Variants in LCORL observed in about 807,000 individuals in gnomAD.
LCORL encodes ligand dependent nuclear receptor corepressor like.
In LCORL, 41 loss-of-function variants were observed where a neutral mutation model predicts 141.8. The ratio of observed to expected loss-of-function variants is 0.29; its 90% CI spans 0.23 to 0.38. The LOEUF (loss-of-function observed/expected upper bound fraction) is 0.38, where lower values mean the gene tolerates loss of function less well. Ranked by LOEUF, LCORL falls within the 10% of genes least tolerant of loss-of-function variation. LCORL has a pLI of 1.00. For synonymous variants in LCORL, 618 were observed against 694.1 expected (o/e 0.89, Z 1.72); for missense variants, 1,759 against 2,035.0 (o/e 0.86, Z 2.61).
intron 1 of LCORL, among the ~76,000 whole-genome samples, chr4:17,982,072 C>T (rs1718079806): frequency 6.8e-6 from 1 of 147,356 alleles, no homozygotes; most frequent in East Asian, 2.0e-4. Flanking sequence ...TGAGCTTGTT[C>T]TTTTTCATGG....
At chr4:17,983,341 T>C (rs1165328955) in intron 1 of LCORL, among the ~76,000 whole-genome samples, 1 of 152,220 alleles carries the variant, frequency 6.6e-6, no homozygotes, top group East Asian at 1.9e-4. Context: ...AGTGAATCTA[T>C]AAATTGCTTG....
At chr4:17,949,843 C>T (rs1053580325) in intron 4 of LCORL, among the ~76,000 whole-genome samples, 1 of 152,230 alleles carries the variant, frequency 6.6e-6, no homozygotes, top group Non-Finnish European at 1.5e-5. Context: ...AAGAACTGTA[C>T]AAACTACATA....
At chr4:17,926,699 C>T (rs1735206296) in intron 4 of LCORL, among the ~76,000 whole-genome samples, 1 of 152,228 alleles carries the variant, frequency 6.6e-6, no homozygotes, top group African/African-American at 2.4e-5. Flanking sequence ...AACTCCTTTT[C>T]ATATACACAT....
chr4:17,876,826 T>C, exon 7 of LCORL: 1 of 1,230,784 alleles, frequency 8.1e-7, no homozygotes, highest in Non-Finnish European at 1.0e-6. Context: ...GAAGTTGTTT[T>C]AAAGCTTTCT....
intron 4 of LCORL, among the ~76,000 whole-genome samples, chr4:17,944,399 C>T (rs1422650547): frequency 2.6e-5 from 4 of 152,106 alleles, no homozygotes; most frequent in Non-Finnish European, 5.9e-5. Context: ...CCTTCCTTCT[C>T]ATTTATTTAT....
exon 8 of LCORL, chr4:17,844,670 A>ATT (rs952470610): frequency 3.5e-4 from 53 of 152,490 alleles, no homozygotes; most frequent in African/African-American, 1.3e-3. Context: ...TTTAAAGACA[A>ATT]TTTGCAGGGG....
At position 17,995,189 on chromosome 4, in the gene LCORL, T is replaced by A. The variant is rs542560641; in HGVS notation, c.155-22304A>T. 1.3e-5 allele frequency among the ~76,000 whole-genome samples: 2 copies of A among 149,628 alleles called. 1 individual carries two copies. The highest frequency in any genetic ancestry group is 1.3e-4 in the Admixed American group (2 of 15,036). ...ATTTATTTAGTTTCAGGGTAACCAC[T>A]ACCTTTCTTTTAAGCATTTTTTTTT... On this transcript the variant is annotated intron_variant, in intron 1 of 7. Transcript: ENST00000635767.
exon 8 of LCORL, chr4:17,843,709 TTA>T (rs1722653344): frequency 4.8e-6 from 1 of 208,710 alleles, no homozygotes; most frequent in African/African-American, 2.3e-5. Flanking sequence ...TATGAACTCT[TTA>T]TGTTTAAAAT....
At chr4:17,957,954 A>T (rs542269048) in intron 4 of LCORL, among the ~76,000 whole-genome samples, 1 of 152,074 alleles carries the variant, frequency 6.6e-6, no homozygotes, top group Non-Finnish European at 1.5e-5. Context: ...TTTAGAGAAA[A>T]GCACTCTAAA....
chr4:17,943,995 A>G (rs1738413859), intron 4 of LCORL, among the ~76,000 whole-genome samples: 1 of 152,186 alleles, frequency 6.6e-6, no homozygotes, highest in Non-Finnish European at 1.5e-5. Flanking sequence ...GTTTTCCTCA[A>G]AAGAGGATAT....
intron 6 of LCORL, chr4:17,882,964 T>G (rs1332513802): frequency 1.1e-6 from 1 of 915,452 alleles, no homozygotes; most frequent in Non-Finnish European, 1.3e-6. Flanking sequence ...TAAATTATTT[T>G]TTGTTCTTAG....
intron 5 of LCORL, among the ~76,000 whole-genome samples, chr4:17,896,450 A>C (rs1729941488): frequency 6.6e-6 from 1 of 151,848 alleles, no homozygotes; most frequent in Non-Finnish European, 1.5e-5. Context: ...CACCCAGATA[A>C]TTTTTTTGTA....
intron 4 of LCORL, among the ~76,000 whole-genome samples, chr4:17,938,068 C>T (rs6846519): frequency 0.039 from 5,769 of 147,982 alleles, 189 homozygotes; most frequent in African/African-American, 0.086. Flanking sequence ...TGCAGTGGCG[C>T]GATCTCAGCT....
intron 7 of LCORL, among the ~76,000 whole-genome samples, chr4:17,850,190 C>T (rs1290817474): frequency 7.0e-6 from 1 of 142,058 alleles, no homozygotes; most frequent in Admixed American, 7.1e-5. Context: ...AGAAGAAAAC[C>T]TAGGCATTAC....
rs559393142 is a variant in LCORL, at chr4:17,914,926, G to A, written c.431-5581C>T. Among the ~76,000 whole-genome samples the A allele has an allele frequency of 2.3e-4, 35 of 152,230 alleles. No individual in the cohort carries two copies. The South Asian group carries it at 7.1e-3, about 31-fold the overall frequency. Reference sequence around the variant, plus strand: ...TGTGCAATACCCTCTTAGCCTCCATGTTGTATCATGGGTGGTCTGTGTAAC... The same window carrying A: ...TGTGCAATACCCTCTTAGCCTCCATATTGTATCATGGGTGGTCTGTGTAAC... On this transcript the variant is annotated intron_variant, in intron 4 of 7. Transcript: ENST00000635767.
chr4:18,002,076 C>G (rs1290654745), intron 1 of LCORL, among the ~76,000 whole-genome samples: 2 of 152,122 alleles, frequency 1.3e-5, no homozygotes, highest in African/African-American at 4.8e-5. Flanking sequence ...TGAGTGCTGA[C>G]AAATACTGTA....
Position 17,909,230 on chromosome 4 carries a change from ATTCTC to A in LCORL, c.541_545del (p.Glu181Ter). ...TACTTGGTCCAATTGAACCATTTCT[ATTCTC>A]TTGAGTTTTACCACTTTTTGAAATG... On this transcript the variant is annotated frameshift_variant, in exon 5 of 8. Coordinates refer to ENST00000635767, the Ensembl canonical transcript of LCORL. LOFTEE classifies it high-confidence loss of function. 1 of 1,613,514 alleles carries A rather than the reference ATTCTC, an allele frequency of 6.2e-7. No individual in the cohort carries two copies. The highest frequency in any genetic ancestry group is 8.5e-7 in the Non-Finnish European group (1 of 1,179,712).
intron 7 of LCORL, among the ~76,000 whole-genome samples, chr4:17,862,674 CAGA>C (rs1157032471): frequency 6.6e-6 from 1 of 152,156 alleles, no homozygotes; most frequent in African/African-American, 2.4e-5. Context: ...TAGCCATATA[CAGA>C]AGATTGAAAC....
At chr4:17,852,298 GA>G (rs1033728040) in intron 7 of LCORL, among the ~76,000 whole-genome samples, 11 of 151,674 alleles carry the variant, frequency 7.3e-5, no homozygotes, top group African/African-American at 2.7e-4. Flanking sequence ...GAGTTGGGGG[GA>G]AAAATGTAAA....
Sources: gnomAD v4.1 joint callset for allele counts (sites outside exome capture counted in the v4.1 genomes callset) on GRCh38, gnomAD v4.1.1 for gene constraint, MANE v1.5 for transcripts, NCBI Gene and HGNC (gene_info 2026-07-23, HGNC 2026-07-21) for gene names.